CTNS: variants seen among roughly 807,000 people sequenced by gnomAD.
The protein encoded by CTNS is cystinosin, lysosomal cystine transporter, also known as cystinosin.
Under a neutral mutation model 43.7 loss-of-function variants are expected in CTNS, and 27 were observed. The observed-to-expected ratio is 0.62, with a 90% CI of 0.46 to 0.85. CTNS has a LOEUF of 0.85. Among genes scored for constraint, CTNS ranks in the 40% least tolerant of loss-of-function variants. CTNS has a pLI of 0.00. For synonymous variants in CTNS, 187 were observed against 190.6 expected (o/e 0.98, Z 0.16); for missense variants, 457 against 475.4 (o/e 0.96, Z 0.36).
At chr17:3,646,020 T>C (rs957709190) in intron 3 of CTNS, among the ~76,000 whole-genome samples, 5 of 152,124 alleles carry the variant, frequency 3.3e-5, no homozygotes, top group African/African-American at 1.2e-4. Flanking sequence ...CCGGGCATGC[T>C]GGCAGCCTCT....
chr17:3,642,041 C>CTGTGTG (rs371619089), intron 3 of CTNS, among the ~76,000 whole-genome samples: 24 of 143,884 alleles, frequency 1.7e-4, no homozygotes, highest in East Asian at 1.2e-3. Flanking sequence ...TTGCCTGGGC[C>CTGTGTG]TGTGTGTGTG....
intron 10 of CTNS, 70 bp downstream of exon 10, chr17:3,658,245 C>G: frequency 6.3e-7 from 1 of 1,582,776 alleles, no homozygotes; most frequent in Admixed American, 1.7e-5. Context: ...AGGCCCTGCT[C>G]CGGTGGGGCA....
chr17:3,645,334 T>G (rs187867056), intron 3 of CTNS, among the ~76,000 whole-genome samples: 5 of 152,138 alleles, frequency 3.3e-5, no homozygotes, highest in African/African-American at 1.2e-4. Context: ...GACTGGAGAT[T>G]GTGGACTGTG....
Position 3,661,145 on chromosome 17 carries a change from C to A in CTNS, c.*776C>A. On this transcript the variant is annotated 3_prime_UTR_variant, in exon 12 of 12. Coordinates refer to ENST00000046640, the MANE Select transcript of CTNS (RefSeq NM_004937.3). ...GCACATCCAGCTGCTCCTTACCCAG[C>A]ATCTGGAGTACAGGACATAGCTCTC... The A allele has an allele frequency of 3.1e-6, 1 of 325,012 alleles. No individual in the cohort carries two copies. Among genetic ancestry groups the A allele is most frequent in the Non-Finnish European group, 6.0e-6 (1 of 166,042 alleles). The allele number at this position is 325,012 out of a possible 1,614,324, so 20.1% of individuals were successfully genotyped here.
rs2076268434 is a variant in CTNS, at chr17:3,661,013, C to T, written c.*644C>T. On this transcript the variant is annotated 3_prime_UTR_variant, in exon 12 of 12. Transcript: ENST00000046640. ...TTCTGAATTGGATTCATGCCCAGCG[C>T]ATTAGCATAGTAACTCCTTTCAGAT... The T allele has an allele frequency of 5.9e-6, 3 of 509,554 alleles. No individual in the cohort carries two copies. Among genetic ancestry groups the T allele is most frequent in the African/African-American group, 3.9e-5 (2 of 51,916 alleles). 31.6% of individuals were successfully genotyped at this position (509,554 alleles called of 1,614,324 possible).
intron 5 of CTNS, among the ~76,000 whole-genome samples, chr17:3,651,649 A>G (rs2075985426): frequency 6.6e-6 from 1 of 151,888 alleles, no homozygotes; most frequent in Non-Finnish European, 1.5e-5. Flanking sequence ...CTCTACCTAT[A>G]TGTCATAGTT....
chr17:3,638,123 CT>C (rs1320588882), intron 2 of CTNS, among the ~76,000 whole-genome samples: 2 of 152,092 alleles, frequency 1.3e-5, no homozygotes, highest in Non-Finnish European at 2.9e-5. Flanking sequence ...ATAGTTAGAA[CT>C]TACATAGGAA....
Position 3,660,338 on chromosome 17 carries a change from G to A in CTNS, c.1073G>A (p.Arg358Lys). Residue 358 changes from arginine (R) to lysine (K), a missense_variant, in exon 12 of 12, where the codon AGA becomes AAA. Arg to Lys is a conservative substitution (Grantham distance 26, BLOSUM62 2). Coordinates refer to ENST00000046640, the MANE Select transcript of CTNS (RefSeq NM_004937.3). Reference sequence around the variant, plus strand: ...TTCATCCAGCACTTCTGTTTGTACAGAAAGAGACCGGGGTATGACCAGCTG... The same window carrying A: ...TTCATCCAGCACTTCTGTTTGTACAAAAAGAGACCGGGGTATGACCAGCTG... The part of the protein sequence containing the change: ...VFFIQHFCLY[R>K]KRPGYDQLN 1 of 1,614,236 alleles carries A rather than the reference G, an allele frequency of 6.2e-7. No individual in the cohort carries two copies. Among genetic ancestry groups the A allele is most frequent in the Non-Finnish European group, 8.5e-7 (1 of 1,180,052 alleles).
chr17:3,649,053 A>AT, intron 5 of CTNS, 122 bp downstream of exon 5: 1 of 846,000 alleles, frequency 1.2e-6, no homozygotes, highest in Non-Finnish European at 2.0e-6. Flanking sequence ...GAAATCTGTG[A>AT]TTTTGGCTTT....
chr17:3,659,082 G>T (rs2076224187), intron 10 of CTNS, among the ~76,000 whole-genome samples: 1 of 152,162 alleles, frequency 6.6e-6, no homozygotes, highest in Non-Finnish European at 1.5e-5. Flanking sequence ...GGAGACGTTT[G>T]GAACTGCTGG....
chr17:3,648,760 G>A (rs2075904671), intron 4 of CTNS, 87 bp from the exon 5 acceptor site: 13 of 1,131,376 alleles, frequency 1.1e-5, no homozygotes, highest in Admixed American at 1.7e-5. Flanking sequence ...CTGCTTGAGA[G>A]TTGAAGGCCA....
intron 5 of CTNS, chr17:3,650,121 T>TA: frequency 6.5e-7 from 1 of 1,542,370 alleles, no homozygotes; most frequent in Middle Eastern, 1.7e-4. Flanking sequence ...AAGCATCACG[T>TA]TATATACTGC....
chr17:3,640,287 G>T lies in CTNS; in HGVS notation c.61+20G>T. 1 of 1,609,596 alleles carries T rather than the reference G, an allele frequency of 6.2e-7. No individual in the cohort carries two copies. Among genetic ancestry groups the T allele is most frequent in the Non-Finnish European group, 8.5e-7 (1 of 1,175,848 alleles). On this transcript the variant is annotated intron_variant, in intron 3 of 11. Transcript: ENST00000046640. ...AATGTGGTAAGTTTAGAAATGACAC[G>T]TCAACTTTGTAAAGAGGGAAATGGT...
intron 3 of CTNS, among the ~76,000 whole-genome samples, chr17:3,642,548 A>G (rs2075746728): frequency 1.3e-5 from 2 of 152,046 alleles, no homozygotes; most frequent in Non-Finnish European, 2.9e-5. Flanking sequence ...TTAGCTGGGC[A>G]TGGTGGCGAG....
intron 2 of CTNS, among the ~76,000 whole-genome samples, chr17:3,637,710 G>A (rs910458529): frequency 8.5e-5 from 13 of 152,074 alleles, no homozygotes; most frequent in Admixed American, 6.6e-4. Flanking sequence ...CAGGTGATGC[G>A]CTCACCTCGG....
At chr17:3,642,831 G>A (rs1226481398) in intron 3 of CTNS, among the ~76,000 whole-genome samples, 5 of 152,144 alleles carry the variant, frequency 3.3e-5, no homozygotes, top group Non-Finnish European at 7.3e-5. Flanking sequence ...GAGATGATTG[G>A]CCTTCAGACT....
chr17:3,641,403 T>TTTTTTA (rs2075703182), intron 3 of CTNS, among the ~76,000 whole-genome samples: 1 of 113,568 alleles, frequency 8.8e-6, no homozygotes, highest in East Asian at 2.9e-4. Context: ...TTTTTTTTTT[T>TTTTTTA]TTTTTTGAGA....
In CTNS at chr17:3,663,071, C is replaced by T. The variant is rs2076299575; in HGVS notation, c.*2702C>T. On this transcript the variant is annotated 3_prime_UTR_variant, in exon 12 of 12. Coordinates refer to ENST00000046640, the MANE Select transcript of CTNS (RefSeq NM_004937.3). ...TACGATAAAAACATTTTGTATCAAA[C>T]TTGTGATTAAAAAAATACAAAAGTT... 6.6e-6 allele frequency: 1 copy of T among 152,198 alleles called. No homozygotes were observed. Among genetic ancestry groups the T allele is most frequent in the Admixed American group, 6.5e-5 (1 of 15,284 alleles). 9.4% of individuals were successfully genotyped at this position (152,198 alleles called of 1,614,324 possible).
chr17:3,656,008 G>T (rs1274638713), intron 7 of CTNS: 2 of 312,522 alleles, frequency 6.4e-6, no homozygotes, highest in Non-Finnish European at 1.3e-5. Context: ...CTCCTTCCCC[G>T]TGGCCTGGGA....
Sources: allele counts gnomAD v4.1 joint callset (sites outside exome capture counted in the v4.1 genomes callset), GRCh38; gene constraint gnomAD v4.1.1; transcripts MANE v1.5; gene names NCBI Gene and HGNC (gene_info 2026-07-23, HGNC 2026-07-21).